The following ARHGAP10 variants were observed in gnomAD, a reference collection of about 807,000 sequenced individuals.
ARHGAP10 encodes rho GTPase-activating protein 10.
ARHGAP10 carries 87 observed loss-of-function variants against 108.6 expected under a neutral mutation model. That is an observed-to-expected ratio of 0.80 (90% confidence interval 0.67 to 0.96). ARHGAP10 has a LOEUF of 0.96. ARHGAP10 is among the 40% of genes least tolerant of loss of function. ARHGAP10 has a pLI of 0.00. For missense variants in ARHGAP10, 939 were observed against 954.5 expected (o/e 0.98, Z 0.21); for synonymous variants, 347 against 341.1 (o/e 1.02, Z -0.19).
At chr4:147,909,557 G>GTTTA (rs1553962107) in intron 11 of ARHGAP10, among the ~76,000 whole-genome samples, 175 bp from the exon 12 acceptor site, 1 of 152,120 alleles carries the variant, frequency 6.6e-6, no homozygotes, top group Non-Finnish European at 1.5e-5. Flanking sequence ...AATCCCAAGA[G>GTTTA]TTTAGATGCT....
rs1729761749 is a variant in ARHGAP10, at chr4:148,064,350, G to T, written c.2181-66G>T. ...AGTGAGATTTGGGGAAGGGGGGTTG[G>T]GGGGTGAAGTTTCTCTCTGTTTTCC... On this transcript the variant is annotated intron_variant, in intron 21 of 22. Transcript: ENST00000336498. 2.7e-6 allele frequency: 4 copies of T among 1,457,774 alleles called. No individual in the cohort carries two copies. In the South Asian group the frequency reaches 3.7e-5, roughly 13 times the overall value. 90.3% of individuals were successfully genotyped at this position (1,457,774 alleles called of 1,614,324 possible).
At chr4:147,783,518 AAC>A (rs1455472196) in intron 1 of ARHGAP10, among the ~76,000 whole-genome samples, 35 of 148,228 alleles carry the variant, frequency 2.4e-4, no homozygotes, top group African/African-American at 7.5e-4. Context: ...TAATTTATAG[AAC>A]ACACATTAAA....
At chr4:147,839,023 A>G (rs1215233512) in intron 3 of ARHGAP10, among the ~76,000 whole-genome samples, 1 of 152,176 alleles carries the variant, frequency 6.6e-6, no homozygotes, top group Non-Finnish European at 1.5e-5. Context: ...GAACTCTTAC[A>G]CGAGGCAAGT....
At chr4:148,041,508 T>C (rs1369043146) in intron 19 of ARHGAP10, among the ~76,000 whole-genome samples, 1 of 152,232 alleles carries the variant, frequency 6.6e-6, no homozygotes, top group Non-Finnish European at 1.5e-5. Context: ...TTTGTCATCA[T>C]CACAACAAAA....
chr4:147,733,264 T>C (rs1421513926), intron 1 of ARHGAP10, among the ~76,000 whole-genome samples: 1 of 150,992 alleles, frequency 6.6e-6, no homozygotes, highest in Non-Finnish European at 1.5e-5. Context: ...TTGAGGAGAG[T>C]CTTTCTAGGA....
intron 18 of ARHGAP10, among the ~76,000 whole-genome samples, 200 bp downstream of exon 18, chr4:147,967,039 CT>C (rs1175022259): frequency 6.6e-5 from 10 of 152,256 alleles, no homozygotes; most frequent in African/African-American, 2.2e-4. Context: ...TTTATCTGGT[CT>C]TTTGTTATCT....
At chr4:147,845,435 A>G (rs1415451244) in intron 3 of ARHGAP10, among the ~76,000 whole-genome samples, 1 of 152,194 alleles carries the variant, frequency 6.6e-6, no homozygotes, top group Non-Finnish European at 1.5e-5. Context: ...CATGCTTAAC[A>G]GCTGTTTATC....
At chr4:147,868,116 T>C (rs1052075511) in intron 7 of ARHGAP10, among the ~76,000 whole-genome samples, 1 of 152,172 alleles carries the variant, frequency 6.6e-6, no homozygotes, top group African/African-American at 2.4e-5. Context: ...TTATAAAATA[T>C]GTGGTATGAC....
At chr4:147,843,495 A>T (rs1733500907) in intron 3 of ARHGAP10, among the ~76,000 whole-genome samples, 1 of 152,112 alleles carries the variant, frequency 6.6e-6, no homozygotes, top group African/African-American at 2.4e-5. Context: ...ACGTCTCTGC[A>T]GCCCACACAG....
chr4:147,919,438 T>C (rs1206374837), intron 13 of ARHGAP10, among the ~76,000 whole-genome samples: 1 of 152,214 alleles, frequency 6.6e-6, no homozygotes, highest in Non-Finnish European at 1.5e-5. Flanking sequence ...ACCAAATATT[T>C]GCTAATAATA....
chr4:147,798,723 C>T (rs1731417553), intron 1 of ARHGAP10, among the ~76,000 whole-genome samples: 1 of 97,258 alleles, frequency 1.0e-5, no homozygotes, highest in Non-Finnish European at 1.8e-5. Context: ...GAGTTTGAGA[C>T]ACTCTCTCTC....
rs1286164449 is a variant in ARHGAP10, at chr4:147,784,441, TAA to T, written c.155-38285_155-38284del. 3.4e-3 allele frequency among the ~76,000 whole-genome samples: 428 copies of T among 126,776 alleles called. 1 individual carries two copies. The highest frequency in any genetic ancestry group is 5.6e-3 in the Non-Finnish European group (360 of 64,082). The allele number at this position is 126,776 out of a possible 152,430, so 83.2% of individuals were successfully genotyped here. On this transcript the variant is annotated intron_variant, in intron 1 of 22. Transcript: ENST00000336498. Reference sequence around the variant, plus strand: ...TATAATTTTTAAATTACATAATATATAAGTTATATATGATATATATTATATAA... The same window carrying T: ...TATAATTTTTAAATTACATAATATATGTTATATATGATATATATTATATAA...
At chr4:148,067,225 G>A (rs1729925907) in intron 22 of ARHGAP10, among the ~76,000 whole-genome samples, 1 of 152,258 alleles carries the variant, frequency 6.6e-6, no homozygotes, top group African/African-American at 2.4e-5. Context: ...CATTAGGCTT[G>A]CTGCTTAATA....
At chr4:147,789,090 G>A (rs748280971) in intron 1 of ARHGAP10, among the ~76,000 whole-genome samples, 19 of 152,166 alleles carry the variant, frequency 1.2e-4, no homozygotes, top group Non-Finnish European at 1.6e-4. Context: ...CCCTCTTAGC[G>A]TCTCCCACTG....
At chr4:147,863,836 C>T (rs1008142795) in intron 5 of ARHGAP10, 8 of 152,176 alleles carry the variant, frequency 5.3e-5, no homozygotes, top group African/African-American at 1.9e-4. Context: ...TTTCACAGTG[C>T]TTGTACCATC....
intron 21 of ARHGAP10, among the ~76,000 whole-genome samples, 160 bp downstream of exon 21, chr4:148,063,460 G>C (rs72726618): frequency 0.017 from 2,621 of 152,282 alleles, 36 homozygotes; most frequent in Non-Finnish European, 0.028. Context: ...TATCAGGGCC[G>C]TGCCTCACCC....
intron 3 of ARHGAP10, among the ~76,000 whole-genome samples, chr4:147,837,662 T>TTTTTTTA (rs1733233202): frequency 6.7e-6 from 1 of 148,594 alleles, no homozygotes; most frequent in African/African-American, 2.5e-5. Context: ...TTTTTTTTTT[T>TTTTTTTA]AAAGCAGTAG....
At chr4:147,963,398 C>T (rs1739076845) in intron 16 of ARHGAP10, among the ~76,000 whole-genome samples, 1 of 152,214 alleles carries the variant, frequency 6.6e-6, no homozygotes, top group Non-Finnish European at 1.5e-5. Context: ...AACTACAAAA[C>T]CGTTTCTAAC....
At chr4:147,873,111 A>G (rs974843485) in intron 7 of ARHGAP10, among the ~76,000 whole-genome samples, 3 of 152,236 alleles carry the variant, frequency 2.0e-5, no homozygotes, top group Non-Finnish European at 4.4e-5. Flanking sequence ...CACTGTGCCC[A>G]GATCTTGGTT....
Sources: allele counts gnomAD v4.1 joint callset (sites outside exome capture counted in the v4.1 genomes callset), GRCh38; gene constraint gnomAD v4.1.1; transcripts MANE v1.5; gene names NCBI Gene and HGNC (gene_info 2026-07-23, HGNC 2026-07-21).